The following PCDHGA4 variants were observed in gnomAD, a reference collection of about 807,000 sequenced individuals.
The protein encoded by PCDHGA4 is protocadherin gamma-A4.
Under a neutral mutation model 54.6 loss-of-function variants are expected in PCDHGA4, and 38 were observed. That is an observed-to-expected ratio of 0.70 (90% CI 0.54 to 0.91). PCDHGA4 has a LOEUF of 0.91. PCDHGA4 is among the 40% of genes least tolerant of loss of function. The pLI, the probability that PCDHGA4 is intolerant of heterozygous loss-of-function variation, is 0.00. For synonymous variants in PCDHGA4, 511 were observed against 512.9 expected (o/e 1.00, Z 0.05); for missense variants, 1,298 against 1,220.9 (o/e 1.06, Z -0.94).
At chr5:141,441,663 G>A (rs777315226) in intron 1 of PCDHGA4, 20 of 260,482 alleles carry the variant, frequency 7.7e-5, no homozygotes, top group Non-Finnish European at 1.2e-4. Context: ...GTCCTTGAGC[G>A]CACAGTGCGC....
chr5:141,376,255 G>C, intron 1 of PCDHGA4: 1 of 1,614,256 alleles, frequency 6.2e-7, no homozygotes, highest in Non-Finnish European at 8.5e-7. Context: ...AGTCACGCCT[G>C]CTGCAGGCTT....
At position 141,512,750 on chromosome 5, in the gene PCDHGA4, G is replaced by C. The variant is rs538475261; in HGVS notation, c.*1577G>C. The C allele has an allele frequency of 2.6e-5, 4 of 152,894 alleles. No homozygotes were observed. The highest frequency in any genetic ancestry group is 4.4e-5 in the Non-Finnish European group (3 of 68,656). 9.5% of individuals were successfully genotyped at this position (152,894 alleles called of 1,614,324 possible). ...AGCGGGCGGCGGGCTCCGCGCAGCC[G>C]TCTGTCCTTGATCTGCCCGCGGCGG... On this transcript the variant is annotated 3_prime_UTR_variant, in exon 4 of 4. Coordinates refer to ENST00000571252, the MANE Select transcript of PCDHGA4 (RefSeq NM_018917.4).
chr5:141,403,607 G>A (rs2094432931), intron 1 of PCDHGA4: 6 of 1,613,854 alleles, frequency 3.7e-6, no homozygotes, highest in Non-Finnish European at 5.1e-6. Flanking sequence ...GGATGGCGGC[G>A]AGCCGCGTCG....
At chr5:141,374,700 C>T in intron 1 of PCDHGA4, 1 of 1,608,752 alleles carries the variant, frequency 6.2e-7, no homozygotes, top group Non-Finnish European at 8.5e-7. Context: ...GAAGGAGAAG[C>T]CGTTTACCGC....
chr5:141,355,624 G>A lies in PCDHGA4; in HGVS notation c.517G>A (p.Val173Ile). The change falls in exon 1 of 4, where the codon GTT becomes ATT. Residue 173 changes from valine (V) to isoleucine (I), a missense_variant. By Grantham distance (29) the Val-to-Ile change is conservative. Coordinates refer to ENST00000571252, the MANE Select transcript of PCDHGA4 (RefSeq NM_018917.4). Reference sequence around the variant, plus strand: ...TGGGACAGAACAGAGGGAAATAAAAGTTGCTGAAAATGAAAATCCTGGGGC... The same window carrying A: ...TGGGACAGAACAGAGGGAAATAAAAATTGCTGAAAATGAAAATCCTGGGGC... ...SFGTEQREIK[V>I]AENENPGARF... The A allele has an allele frequency of 1.9e-6, 3 of 1,614,002 alleles. No homozygotes were observed. The highest frequency in any genetic ancestry group is 2.2e-5 in the South Asian group (2 of 91,084).
intron 1 of PCDHGA4, chr5:141,365,645 C>T (rs770859603): frequency 2.5e-6 from 4 of 1,613,454 alleles, no homozygotes; most frequent in Non-Finnish European, 3.4e-6. Flanking sequence ...AAGCCACATC[C>T]CCTTGAAAGT....
At chr5:141,386,989 G>A (rs1354556956) in intron 1 of PCDHGA4, among the ~76,000 whole-genome samples, 1 of 152,156 alleles carries the variant, frequency 6.6e-6, no homozygotes, top group East Asian at 1.9e-4. Context: ...TTGAGGCTAT[G>A]TATTATCCCC....
Position 141,511,039 on chromosome 5 carries a change from C to T in PCDHGA4, c.2755C>T (p.Pro919Ser). 1 of 1,614,196 alleles carries T rather than the reference C, an allele frequency of 6.2e-7. No homozygotes were observed. ...YGPQFTLQHV[P>S]DYRQNVYIPG... ...ACCCCAGTTCACCCTGCAGCACGTGCCCGACTACCGCCAGAATGTCTACAT... is the reference window on the plus strand; with the variant it reads ...ACCCCAGTTCACCCTGCAGCACGTGTCCGACTACCGCCAGAATGTCTACAT... The change falls in exon 4 of 4, where the codon CCC (proline) becomes TCC (serine). Residue 919 changes from proline (P) to serine (S), a missense_variant. Physicochemically the swap from Pro to Ser is moderately conservative, Grantham distance 74. Coordinates refer to ENST00000571252, the MANE Select transcript of PCDHGA4 (RefSeq NM_018917.4).
chr5:141,389,509 C>A, intron 1 of PCDHGA4: 2 of 1,613,118 alleles, frequency 1.2e-6, no homozygotes, highest in Non-Finnish European at 8.5e-7. Flanking sequence ...GCGCTCAGCG[C>A]GAACGTGAGC....
At chr5:141,481,913 C>CAAAAA (rs34114744) in intron 1 of PCDHGA4, among the ~76,000 whole-genome samples, 2 of 90,852 alleles carry the variant, frequency 2.2e-5, no homozygotes, top group Non-Finnish European at 4.4e-5. Flanking sequence ...AACTCCATCT[C>CAAAAA]AAAAAAAAAA....
intron 1 of PCDHGA4, chr5:141,417,646 C>G: frequency 1.3e-6 from 1 of 797,874 alleles, no homozygotes. Context: ...GATCCCTCAG[C>G]CTCTAGCCTG....
intron 1 of PCDHGA4, among the ~76,000 whole-genome samples, chr5:141,444,466 C>A (rs539222916): frequency 1.3e-5 from 2 of 151,982 alleles, no homozygotes; most frequent in African/African-American, 4.8e-5. Flanking sequence ...TCACTGCGCC[C>A]GGTCGCGTAC....
Position 141,431,614 on chromosome 5 carries a change from C to G in PCDHGA4, c.2515-63193C>G. ...TGAGGTATTCCTTCCGGTATGTGGACGACAAGGCGGCCCAAGTTTTCAAAC... is the reference window on the plus strand; with the variant it reads ...TGAGGTATTCCTTCCGGTATGTGGAGGACAAGGCGGCCCAAGTTTTCAAAC... On this transcript the variant is annotated intron_variant, in intron 1 of 3. Coordinates refer to ENST00000571252, the MANE Select transcript of PCDHGA4 (RefSeq NM_018917.4). This position sits in a 1 kb window ranked among gnomAD's most constrained non-coding sequence, Gnocchi z 4.8. 6.2e-7 allele frequency: 1 copy of G among 1,614,206 alleles called. No homozygotes were observed. The highest frequency in any genetic ancestry group is 1.1e-5 in the South Asian group (1 of 91,092).
intron 1 of PCDHGA4, among the ~76,000 whole-genome samples, chr5:141,382,210 G>T (rs61675507): frequency 0.17 from 26,250 of 151,970 alleles, 2,491 homozygotes; most frequent in Admixed American, 0.27. Context: ...TATTAAAATA[G>T]GTCTATATAT....
At chr5:141,428,004 G>C in intron 1 of PCDHGA4, 1 of 1,601,732 alleles carries the variant, frequency 6.2e-7, no homozygotes, top group East Asian at 2.2e-5. Context: ...CGCACTCTTC[G>C]ATATAGTGCC....
chr5:141,480,239 A>C (rs1320132415), intron 1 of PCDHGA4, among the ~76,000 whole-genome samples: 4 of 136,218 alleles, frequency 2.9e-5, no homozygotes, highest in African/African-American at 1.1e-4. Context: ...TCCTGTCTCT[A>C]CAAAAAAAAA....
intron 2 of PCDHGA4, among the ~76,000 whole-genome samples, chr5:141,502,908 C>G (rs1398336138): frequency 1.5e-5 from 2 of 132,418 alleles, no homozygotes; most frequent in Non-Finnish European, 3.0e-5. Flanking sequence ...TGTTGCCAGG[C>G]TGGAGTGCAG....
At chr5:141,440,501 A>G (rs2098183001) in intron 1 of PCDHGA4, 1 of 152,174 alleles carries the variant, frequency 6.6e-6, no homozygotes, top group African/African-American at 2.4e-5. Context: ...TCACATTAAT[A>G]TGGAGATTCA....
At chr5:141,488,762 C>T (rs1470160100) in intron 1 of PCDHGA4, among the ~76,000 whole-genome samples, 1 of 152,142 alleles carries the variant, frequency 6.6e-6, no homozygotes, top group Non-Finnish European at 1.5e-5. Context: ...TGGGACAGAA[C>T]GCTGAGGAGT....
Sources: gnomAD v4.1 joint callset for allele counts (sites outside exome capture counted in the v4.1 genomes callset) on GRCh38, gnomAD v4.1.1 for gene constraint, Gnocchi (gnomAD v3.1) non-coding constraint, MANE v1.5 for transcripts, NCBI Gene and HGNC (gene_info 2026-07-23, HGNC 2026-07-21) for gene names.